The following PLD1 variants were observed in gnomAD, a reference collection of about 807,000 sequenced individuals.
The protein encoded by PLD1 is choline phosphatase 1.
Under a neutral mutation model 137.1 loss-of-function variants are expected in PLD1, and 112 were observed. That is an observed-to-expected ratio of 0.82 (90% CI 0.70 to 0.96). The LOEUF is 0.96. Ranked by LOEUF, PLD1 falls within the 40% of genes least tolerant of loss-of-function variation. The probability of loss-of-function intolerance (pLI) is 0.00; values close to 1 mark genes in which losing one functional copy is unlikely to be tolerated. For missense variants in PLD1, 1,321 were observed against 1,342.0 expected, an observed-to-expected ratio of 0.98 and a Z score of 0.24; for synonymous variants, 431 against 454.7, an observed-to-expected ratio of 0.95 and a Z score of 0.66.
At chr3:171,648,820 C>T (rs1018022109) in intron 21 of PLD1, among the ~76,000 whole-genome samples, 20 of 152,206 alleles carry the variant, frequency 1.3e-4, no homozygotes, top group Non-Finnish European at 2.8e-4. Context: ...TCCCAAAGTG[C>T]TGGTATTACA....
At chr3:171,707,786 C>A (rs2108560280) in intron 11 of PLD1, among the ~76,000 whole-genome samples, 1 of 152,302 alleles carries the variant, frequency 6.6e-6, no homozygotes, top group Non-Finnish European at 1.5e-5. Flanking sequence ...CAGCCCCCTA[C>A]AACAAAGAAT....
At chr3:171,737,776 AG>A in intron 2 of PLD1, 115 bp downstream of exon 2, 1 of 1,337,678 alleles carries the variant, frequency 7.5e-7, no homozygotes, top group Non-Finnish European at 1.0e-6. Context: ...AAATGATCTG[AG>A]CCCGGTGTTA....
chr3:171,726,884 G>A (rs1029145911), intron 6 of PLD1, among the ~76,000 whole-genome samples: 1 of 152,078 alleles, frequency 6.6e-6, no homozygotes, highest in East Asian at 1.9e-4. Context: ...TTAGTGTAAG[G>A]GTAAGCAAAT....
chr3:171,648,712 G>A (rs927993614), intron 21 of PLD1, among the ~76,000 whole-genome samples: 2 of 151,948 alleles, frequency 1.3e-5, no homozygotes, highest in African/African-American at 4.8e-5. Flanking sequence ...CTGCCACCAC[G>A]CCCGGCTAAT....
intron 1 of PLD1, among the ~76,000 whole-genome samples, chr3:171,758,830 C>T (rs1391508124): frequency 1.3e-5 from 2 of 152,190 alleles, no homozygotes; most frequent in African/African-American, 4.8e-5. Context: ...CCCCAGAGAA[C>T]TGGTGACAGA....
chr3:171,692,516 G>A (rs1715287873), intron 12 of PLD1, 74 bp from the exon 13 acceptor site: 4 of 787,024 alleles, frequency 5.1e-6, no homozygotes, highest in Non-Finnish European at 8.9e-6. Context: ...TTTTTCCTTT[G>A]CACTGTACTT....
chr3:171,716,925 G>C (rs1717726547), intron 8 of PLD1, among the ~76,000 whole-genome samples: 1 of 152,080 alleles, frequency 6.6e-6, no homozygotes, highest in Non-Finnish European at 1.5e-5. Context: ...TCTGCACATG[G>C]CTAGCCAGTT....
At chr3:171,723,994 C>T (rs1578358234) in intron 8 of PLD1, among the ~76,000 whole-genome samples, 1 of 152,062 alleles carries the variant, frequency 6.6e-6, no homozygotes, top group East Asian at 1.9e-4. Flanking sequence ...GGATAATATT[C>T]CACTCTATAG....
chr3:171,746,642 A>G (rs1328937321), intron 1 of PLD1, among the ~76,000 whole-genome samples: 1 of 152,122 alleles, frequency 6.6e-6, no homozygotes, highest in East Asian at 1.9e-4. Flanking sequence ...GGACTTGGAG[A>G]ACCTTTATGT....
At chr3:171,792,690 C>T in intron 1 of PLD1, 1 of 456,722 alleles carries the variant, frequency 2.2e-6, no homozygotes, top group South Asian at 1.5e-5. Context: ...TAAATTTAGG[C>T]TCCTGGTGAC....
intron 13 of PLD1, among the ~76,000 whole-genome samples, chr3:171,690,657 C>T (rs550647955): frequency 3.3e-5 from 5 of 152,150 alleles, no homozygotes; most frequent in South Asian, 4.1e-4. Context: ...TTCTAGTTGT[C>T]CTTCTGTTAT....
At chr3:171,606,665 T>C (rs893619049) in intron 25 of PLD1, among the ~76,000 whole-genome samples, 3 of 152,196 alleles carry the variant, frequency 2.0e-5, no homozygotes, top group Admixed American at 6.5e-5. Flanking sequence ...TGGACATCAT[T>C]ATATTGTTAC....
chr3:171,739,511 A>C (rs1719620835), intron 1 of PLD1, among the ~76,000 whole-genome samples: 1 of 152,186 alleles, frequency 6.6e-6, no homozygotes, highest in Non-Finnish European at 1.5e-5. Context: ...CCTACTATAT[A>C]GCCAAGTATA....
chr3:171,779,005 T>G (rs1226948320), intron 1 of PLD1, among the ~76,000 whole-genome samples: 2 of 152,134 alleles, frequency 1.3e-5, no homozygotes, highest in Admixed American at 1.3e-4. Context: ...CTGGCCAACA[T>G]GGTGAAACCC....
Position 171,602,920 on chromosome 3 carries a change from C to T in PLD1, c.*158G>A. On this transcript the variant is annotated 3_prime_UTR_variant, in exon 27 of 27. Coordinates refer to ENST00000351298, the MANE Select transcript of PLD1 (RefSeq NM_002662.5). ...GTCTTGCTGATGTTTACAGTCCTTA[C>T]ATCAATGTGACTGCAGCCCTCCCCA... 1 of 614,598 alleles carries T rather than the reference C, an allele frequency of 1.6e-6. No homozygotes were observed. 38.1% of individuals were successfully genotyped at this position (614,598 alleles called of 1,614,324 possible).
chr3:171,746,549 T>C (rs908063316), intron 1 of PLD1, among the ~76,000 whole-genome samples: 1 of 152,196 alleles, frequency 6.6e-6, no homozygotes, highest in African/African-American at 2.4e-5. Context: ...TCAAGGTCTG[T>C]AAACACACCA....
chr3:171,711,817 TA>T (rs36106956), intron 9 of PLD1, among the ~76,000 whole-genome samples: 27,568 of 99,032 alleles, frequency 0.28, 2,906 homozygotes, highest in Middle Eastern at 0.33. Flanking sequence ...TTATAAATGC[TA>T]AAAAAAAAAA....
intron 23 of PLD1, among the ~76,000 whole-genome samples, chr3:171,628,797 G>C (rs1186880613): frequency 6.6e-6 from 1 of 152,130 alleles, no homozygotes; most frequent in African/African-American, 2.4e-5. Flanking sequence ...AAAGGCCTTT[G>C]ACAAAATTCA....
Position 171,768,900 on chromosome 3 carries a change from A to G in PLD1, c.-31-30818T>C, listed in dbSNP as rs537559230. On this transcript the variant is annotated intron_variant, in intron 1 of 26. Coordinates refer to ENST00000351298, the MANE Select transcript of PLD1 (RefSeq NM_002662.5). ...TTAAAATTAGATGGTATGTTATGAG[A>G]CAAATGCTCATCTCTTATTAGCCAA... 3.3e-5 allele frequency among the ~76,000 whole-genome samples: 5 copies of G among 152,358 alleles called. No individual in the cohort carries two copies. In the East Asian group the frequency reaches 7.7e-4, roughly 23 times the overall value.
Sources: allele counts gnomAD v4.1 joint callset (sites outside exome capture counted in the v4.1 genomes callset), GRCh38; gene constraint gnomAD v4.1.1; transcripts MANE v1.5; gene names NCBI Gene and HGNC (gene_info 2026-07-23, HGNC 2026-07-21).